CDH20: variants seen among roughly 807,000 people sequenced by gnomAD.
CDH20 encodes cadherin 20, also known as cadherin-20.
CDH20 carries 29 observed loss-of-function variants against 74.2 expected under a neutral mutation model. That is an observed-to-expected ratio of 0.39 (90% CI 0.29 to 0.53). The LOEUF is 0.53. Among genes scored for constraint, CDH20 ranks in the 20% least tolerant of loss-of-function variants. The pLI is 0.69. For missense variants in CDH20, 988 were observed against 1,048.3 expected (o/e 0.94, Z 0.79); for synonymous variants, 469 against 405.4 (o/e 1.16, Z -1.88).
chr18:61,356,588 T>G (rs1239193866), intron 1 of CDH20, among the ~76,000 whole-genome samples: 2 of 152,252 alleles, frequency 1.3e-5, no homozygotes, highest in Non-Finnish European at 2.9e-5. Flanking sequence ...TTGGTTCTTA[T>G]TTTAATTCCC....
At chr18:61,423,823 A>G (rs888386607) in intron 1 of CDH20, among the ~76,000 whole-genome samples, 3 of 152,216 alleles carry the variant, frequency 2.0e-5, no homozygotes, top group Non-Finnish European at 4.4e-5. Context: ...AATTCTTTCA[A>G]CGTGACAGTG....
chr18:61,394,735 C>T (rs1195448288), intron 1 of CDH20, among the ~76,000 whole-genome samples: 3 of 152,204 alleles, frequency 2.0e-5, no homozygotes, highest in Non-Finnish European at 4.4e-5. Context: ...GGTACAGCAA[C>T]GAACTCCTCA....
chr18:61,519,282 A>ATAC (rs750287315), intron 6 of CDH20, among the ~76,000 whole-genome samples: 15 of 151,092 alleles, frequency 9.9e-5, no homozygotes, highest in Non-Finnish European at 2.2e-4. Context: ...CACCACAAAG[A>ATAC]TACTCCTCGA....
intron 3 of CDH20, among the ~76,000 whole-genome samples, chr18:61,499,822 C>T (rs913711563): frequency 2.0e-5 from 3 of 152,084 alleles, no homozygotes; most frequent in Non-Finnish European, 2.9e-5. Flanking sequence ...GGGTTAGGCG[C>T]GGTGGCTCAC....
At chr18:61,505,079 C>T (rs758727482) in intron 5 of CDH20, among the ~76,000 whole-genome samples, 1 of 152,160 alleles carries the variant, frequency 6.6e-6, no homozygotes, top group Non-Finnish European at 1.5e-5. Context: ...ATATTACTCA[C>T]ACTATAGACT....
chr18:61,533,366 G>C (rs1007124227), intron 7 of CDH20, among the ~76,000 whole-genome samples: 1 of 152,042 alleles, frequency 6.6e-6, no homozygotes, highest in African/African-American at 2.4e-5. Flanking sequence ...CTGTTGATTG[G>C]GATAATAACT....
chr18:61,483,721 C>A (rs545903572), intron 1 of CDH20, among the ~76,000 whole-genome samples: 6 of 152,282 alleles, frequency 3.9e-5, no homozygotes, highest in African/African-American at 1.4e-4. Flanking sequence ...AGGCACAAGA[C>A]TTTAACCATC....
chr18:61,446,150 C>A (rs1196303456), intron 1 of CDH20, among the ~76,000 whole-genome samples: 1 of 152,106 alleles, frequency 6.6e-6, no homozygotes, highest in Non-Finnish European at 1.5e-5. Flanking sequence ...GCTAGCCATA[C>A]CTAAGGAGAA....
chr18:61,366,678 T>A (rs1409190154), intron 1 of CDH20, among the ~76,000 whole-genome samples: 1 of 152,130 alleles, frequency 6.6e-6, no homozygotes, highest in South Asian at 2.1e-4. Flanking sequence ...TACAAATTAG[T>A]CTAGAAAAAT....
chr18:61,475,864 T>C (rs1477466493), intron 1 of CDH20, among the ~76,000 whole-genome samples: 1 of 152,346 alleles, frequency 6.6e-6, no homozygotes, highest in Admixed American at 6.5e-5. Flanking sequence ...AAATGAAAAT[T>C]AGACCAGTCT....
intron 6 of CDH20, among the ~76,000 whole-genome samples, chr18:61,523,655 A>T (rs1273542311): frequency 1.3e-5 from 2 of 152,246 alleles, no homozygotes; most frequent in Non-Finnish European, 1.5e-5. Context: ...AATAGCAAAG[A>T]CTTGGAACCA....
chr18:61,391,466 T>C (rs1011265060), intron 1 of CDH20: 1 of 151,660 alleles, frequency 6.6e-6, no homozygotes, highest in Admixed American at 6.6e-5. Context: ...ATTTGCAGAG[T>C]CATTTGTAAT....
At position 61,515,541 on chromosome 18, in the gene CDH20, A is replaced by T. The variant is rs148744496; in HGVS notation, c.1017+7981A>T. On this transcript the variant is annotated intron_variant, in intron 6 of 11. Coordinates refer to ENST00000262717, the MANE Select transcript of CDH20 (RefSeq NM_031891.4). ...GGCTCCTCCCCACCAAATGTCCAAC[A>T]ATGATAGACTGGATTAAGAAAATGT... 2.8e-3 allele frequency among the ~76,000 whole-genome samples: 420 copies of T among 152,116 alleles called. 5 individuals carry two copies. The highest frequency in any genetic ancestry group is 9.3e-3 in the African/African-American group (388 of 41,520).
chr18:61,550,367 C>A, intron 11 of CDH20, 138 bp downstream of exon 11: 1 of 1,037,308 alleles, frequency 9.6e-7, no homozygotes, highest in Non-Finnish European at 1.4e-6. Flanking sequence ...AGTGAGGCTG[C>A]ACAAAAAACA....
chr18:61,551,678 TGCAATTCCTTGAGTTTCCATAAGGTG>T (rs1913438951), intron 11 of CDH20, among the ~76,000 whole-genome samples: 1 of 152,188 alleles, frequency 6.6e-6, no homozygotes, highest in African/African-American at 2.4e-5. Flanking sequence ...AAAACCTCCC[TGCAATTCCTTGAGTTTCCATAAGGTG>T]GCATTGGGAG....
intron 1 of CDH20, among the ~76,000 whole-genome samples, chr18:61,440,093 G>A (rs1190049153): frequency 6.6e-6 from 1 of 152,076 alleles, no homozygotes. Flanking sequence ...CTAATTCCTT[G>A]TATCTTTCCT....
At chr18:61,534,743 TA>T (rs1912762912) in intron 7 of CDH20, among the ~76,000 whole-genome samples, 1 of 151,954 alleles carries the variant, frequency 6.6e-6, no homozygotes, top group South Asian at 2.1e-4. Flanking sequence ...GGCTGGTGGG[TA>T]AAAAGGAAAA....
intron 1 of CDH20, among the ~76,000 whole-genome samples, chr18:61,391,407 A>G (rs890924332): frequency 2.0e-5 from 3 of 152,194 alleles, no homozygotes; most frequent in Non-Finnish European, 4.4e-5. Context: ...TTGGCAACTA[A>G]TATAAAATAT....
At chr18:61,382,289 C>T (rs947790063) in intron 1 of CDH20, among the ~76,000 whole-genome samples, 3 of 152,120 alleles carry the variant, frequency 2.0e-5, no homozygotes, top group African/African-American at 7.2e-5. Flanking sequence ...AGTGATTAGG[C>T]TAACAATAAG....
Sources: gnomAD v4.1 joint callset for allele counts (sites outside exome capture counted in the v4.1 genomes callset) on GRCh38, gnomAD v4.1.1 for gene constraint, MANE v1.5 for transcripts, NCBI Gene and HGNC (gene_info 2026-07-23, HGNC 2026-07-21) for gene names.